The following CCSER1 variants were observed in gnomAD, a reference collection of about 807,000 sequenced individuals.
CCSER1 encodes coiled-coil serine rich protein 1.
In CCSER1, 41 loss-of-function variants were observed where a neutral mutation model predicts 82.0. The ratio of observed to expected loss-of-function variants is 0.50; its 90% confidence interval spans 0.39 to 0.65. The LOEUF is 0.65. CCSER1 is among the 30% of genes least tolerant of loss of function. CCSER1 has a pLI of 0.00. For synonymous variants in CCSER1, 414 were observed against 383.9 expected (o/e 1.08, Z -0.92); for missense variants, 1,119 against 1,064.2 (o/e 1.05, Z -0.72).
At chr4:90,629,989 T>A (rs558024521) in intron 6 of CCSER1, among the ~76,000 whole-genome samples, 3 of 152,342 alleles carry the variant, frequency 2.0e-5, no homozygotes, top group Non-Finnish European at 4.4e-5. Context: ...ACATGTAGAT[T>A]CATTTATGTC....
intron 1 of CCSER1, among the ~76,000 whole-genome samples, chr4:90,215,065 G>A (rs1578535454): frequency 6.6e-6 from 1 of 152,090 alleles, no homozygotes; most frequent in Non-Finnish European, 1.5e-5. Flanking sequence ...TGCTTTGAGT[G>A]CTATATTTTT....
intron 9 of CCSER1, among the ~76,000 whole-genome samples, chr4:91,020,965 T>A (rs1039035359): frequency 2.0e-5 from 3 of 152,180 alleles, no homozygotes; most frequent in Non-Finnish European, 2.9e-5. Flanking sequence ...AGCTACTAGC[T>A]ACATTCCTTT....
At chr4:90,420,651 T>C (rs1019151472) in intron 4 of CCSER1, among the ~76,000 whole-genome samples, 1 of 152,112 alleles carries the variant, frequency 6.6e-6, no homozygotes, top group African/African-American at 2.4e-5. Context: ...GGAACAGTTT[T>C]CTAAATCCAA....
chr4:90,913,574 C>T (rs1275209149), intron 8 of CCSER1, among the ~76,000 whole-genome samples: 1 of 152,130 alleles, frequency 6.6e-6, no homozygotes, highest in African/African-American at 2.4e-5. Context: ...TAGGAAGAAA[C>T]TGCATCAACT....
At chr4:91,398,524 G>C (rs911216753) in intron 10 of CCSER1, among the ~76,000 whole-genome samples, 3 of 151,822 alleles carry the variant, frequency 2.0e-5, no homozygotes, top group Non-Finnish European at 4.4e-5. Context: ...AAATAGATGA[G>C]ACAAAAGCAC....
intron 1 of CCSER1, among the ~76,000 whole-genome samples, chr4:90,208,591 C>T (rs932433537): frequency 3.9e-5 from 6 of 152,054 alleles, no homozygotes; most frequent in Non-Finnish European, 5.9e-5. Flanking sequence ...TCTGCCCAAA[C>T]GGCCACCCAG....
rs138904269 is a variant in CCSER1 at position 90,434,704 on chromosome 4, A to C, written c.1604-33530A>C. On this transcript the variant is annotated intron_variant, in intron 4 of 10. Coordinates refer to ENST00000509176, the MANE Select transcript of CCSER1 (RefSeq NM_001145065.2). The stretch of plus-strand genomic sequence containing the variant: ...AGGAAGATGGGAGATGAGCCTGTGA[A>C]GCTAGTGGTGGCTGATTTGAGGAAC... 4.0e-4 allele frequency among the ~76,000 whole-genome samples: 61 copies of C among 152,260 alleles called. No individual in the cohort carries two copies. The East Asian group carries it at 4.3e-3, about 11-fold the overall frequency.
chr4:90,651,688 T>TA (rs34539598), intron 6 of CCSER1, among the ~76,000 whole-genome samples: 16,671 of 149,440 alleles, frequency 0.11, 1,067 homozygotes, highest in East Asian at 0.18. Context: ...AAAGTATAAT[T>TA]AAAAAAAAAA....
chr4:90,835,112 A>T (rs1213299548), intron 8 of CCSER1, among the ~76,000 whole-genome samples: 1 of 152,146 alleles, frequency 6.6e-6, no homozygotes, highest in Non-Finnish European at 1.5e-5. Flanking sequence ...CGGATGGATC[A>T]CGAGGTCAGC....
intron 10 of CCSER1, among the ~76,000 whole-genome samples, chr4:91,543,234 A>C (rs2110201756): frequency 6.6e-6 from 1 of 152,122 alleles, no homozygotes; most frequent in East Asian, 1.9e-4. Flanking sequence ...CAGCACACTG[A>C]TGGGTCTTGA....
chr4:91,254,817 T>C (rs1169033983), intron 10 of CCSER1, among the ~76,000 whole-genome samples: 1 of 152,134 alleles, frequency 6.6e-6, no homozygotes, highest in Non-Finnish European at 1.5e-5. Context: ...TTAAAAATCA[T>C]TTCTATTTTC....
intron 7 of CCSER1, among the ~76,000 whole-genome samples, chr4:90,766,894 C>T (rs1167207878): frequency 2.0e-5 from 3 of 151,960 alleles, no homozygotes; most frequent in Non-Finnish European, 2.9e-5. Context: ...AGAGCTCATA[C>T]GAGATGTGAT....
chr4:90,493,873 T>G lies in CCSER1; in HGVS notation c.1724+25519T>G, dbSNP rs1023808022. Among the ~76,000 whole-genome samples the G allele has an allele frequency of 2.0e-5, 3 of 152,114 alleles. No homozygotes were observed. In the East Asian group the frequency reaches 5.8e-4, roughly 29 times the overall value. ...CTGCCTCAGCTAATGAGCAAAATAA[T>G]CCGCTAACATCATAATGACAGGATC... On this transcript the variant is annotated intron_variant, in intron 5 of 10. Coordinates refer to ENST00000509176, the MANE Select transcript of CCSER1 (RefSeq NM_001145065.2).
At chr4:90,454,750 T>G (rs1230270021) in intron 4 of CCSER1, among the ~76,000 whole-genome samples, 1 of 152,168 alleles carries the variant, frequency 6.6e-6, no homozygotes, top group Non-Finnish European at 1.5e-5. Context: ...AAAAGTAACA[T>G]AATGTTCTTC....
chr4:91,395,442 A>G (rs781097014), intron 10 of CCSER1, among the ~76,000 whole-genome samples: 1 of 152,078 alleles, frequency 6.6e-6, no homozygotes, highest in African/African-American at 2.4e-5. Context: ...CTGATGGAGC[A>G]TGCAGAGCTG....
chr4:91,406,638 A>T (rs1456627501), intron 10 of CCSER1, among the ~76,000 whole-genome samples: 3 of 152,200 alleles, frequency 2.0e-5, no homozygotes, highest in African/African-American at 4.8e-5. Flanking sequence ...TTTGTTTTTA[A>T]TATAGCTGAC....
At chr4:90,268,702 A>G (rs1490099130) in intron 1 of CCSER1, among the ~76,000 whole-genome samples, 3 of 152,178 alleles carry the variant, frequency 2.0e-5, no homozygotes, top group East Asian at 1.9e-4. Context: ...TTACTTATCA[A>G]TGAGAACATT....
chr4:91,417,726 T>C (rs1291837875), intron 10 of CCSER1, among the ~76,000 whole-genome samples: 1 of 151,786 alleles, frequency 6.6e-6, no homozygotes, highest in Non-Finnish European at 1.5e-5. Flanking sequence ...TCAGGAAGAA[T>C]AGCTAATGGA....
intron 1 of CCSER1, among the ~76,000 whole-genome samples, chr4:90,295,537 AT>A (rs1731708758): frequency 6.6e-6 from 1 of 151,972 alleles, no homozygotes; most frequent in Admixed American, 6.6e-5. Flanking sequence ...TATTTCCCCG[AT>A]TACTAATGAG....
Sources: allele counts gnomAD v4.1 joint callset (sites outside exome capture counted in the v4.1 genomes callset), GRCh38; gene constraint gnomAD v4.1.1; transcripts MANE v1.5; gene names NCBI Gene and HGNC (gene_info 2026-07-23, HGNC 2026-07-21).